PRKCE: variants seen among roughly 807,000 people sequenced by gnomAD.
PRKCE encodes the protein protein kinase C epsilon type.
A neutral mutation model predicts 85.4 loss-of-function variants in PRKCE; 16 were observed. The observed-to-expected ratio is 0.19, with a 90% CI of 0.13 to 0.28. The LOEUF (loss-of-function observed/expected upper bound fraction) is 0.28, where lower values mean the gene tolerates loss of function less well. Ranked by LOEUF, PRKCE falls within the 10% of genes least tolerant of loss-of-function variation. The pLI, the probability that PRKCE is intolerant of heterozygous loss-of-function variation, is 1.00. For missense variants in PRKCE, 573 were observed against 975.2 expected (o/e 0.59, Z 5.49); for synonymous variants, 388 against 371.5 (o/e 1.04, Z -0.51).
chr2:45,718,770 A>T (rs1680368663), intron 1 of PRKCE, among the ~76,000 whole-genome samples: 1 of 152,192 alleles, frequency 6.6e-6, no homozygotes, highest in Admixed American at 6.5e-5. Flanking sequence ...CAGAAAACCC[A>T]ACTCTATGCT....
intron 11 of PRKCE, among the ~76,000 whole-genome samples, chr2:46,141,057 TCTTCCA>T (rs1370712003): frequency 6.6e-6 from 1 of 152,212 alleles, no homozygotes; most frequent in East Asian, 1.9e-4. Context: ...TATAAATTGT[TCTTCCA>T]CCAAGAAGGG....
intron 5 of PRKCE, 112 bp downstream of exon 5, chr2:45,980,493 A>C: frequency 2.0e-6 from 2 of 992,246 alleles, no homozygotes; most frequent in Non-Finnish European, 3.0e-6. Flanking sequence ...CTGTCATTTC[A>C]TTGTGTTGAT....
At chr2:45,658,771 A>C (rs1675498727) in intron 1 of PRKCE, among the ~76,000 whole-genome samples, 1 of 152,212 alleles carries the variant, frequency 6.6e-6, no homozygotes, top group Admixed American at 6.5e-5. Context: ...GGTCCAGTGA[A>C]ATATATTTTT....
chr2:45,989,537 A>G (rs1323641907), intron 6 of PRKCE, among the ~76,000 whole-genome samples: 1 of 152,150 alleles, frequency 6.6e-6, no homozygotes, highest in Non-Finnish European at 1.5e-5. Flanking sequence ...GAGGACAGTA[A>G]TAAAAAATAA....
At chr2:46,148,360 G>A (rs1451495421) in intron 12 of PRKCE, among the ~76,000 whole-genome samples, 1 of 152,200 alleles carries the variant, frequency 6.6e-6, no homozygotes, top group Admixed American at 6.5e-5. Flanking sequence ...AGCCTAAAAG[G>A]AATCTTACAA....
In PRKCE at chr2:46,138,240, T is replaced by C. The variant is rs963189614; in HGVS notation, c.1593-6853T>C. Reference sequence around the variant, plus strand: ...AGTCTGTGATCCCTTGTGCTCCATGTTCTCCTCACCACAAAGATTTCTTTT... The same window carrying C: ...AGTCTGTGATCCCTTGTGCTCCATGCTCTCCTCACCACAAAGATTTCTTTT... On this transcript the variant is annotated intron_variant, in intron 11 of 14. Coordinates refer to ENST00000306156, the MANE Select transcript of PRKCE (RefSeq NM_005400.3). This position sits in a 1 kb window ranked among gnomAD's most constrained non-coding sequence, Gnocchi z 4.2. Among the ~76,000 whole-genome samples, 1 of 152,210 alleles carries C rather than the reference T, an allele frequency of 6.6e-6. No homozygotes were observed. The highest frequency in any genetic ancestry group is 2.4e-5 in the African/African-American group (1 of 41,464).
intron 14 of PRKCE, among the ~76,000 whole-genome samples, chr2:46,178,158 G>A (rs956188892): frequency 6.6e-6 from 1 of 152,248 alleles, no homozygotes; most frequent in Non-Finnish European, 1.5e-5. Context: ...TACTCAGGAG[G>A]CTGAGGCAGA....
chr2:46,015,975 G>T (rs554567145), intron 10 of PRKCE, among the ~76,000 whole-genome samples: 2 of 152,146 alleles, frequency 1.3e-5, no homozygotes, highest in Non-Finnish European at 2.9e-5. Context: ...CAATATGCTC[G>T]CCAGTAACAG....
chr2:46,153,737 G>C (rs1047977910), intron 13 of PRKCE, among the ~76,000 whole-genome samples: 3 of 149,934 alleles, frequency 2.0e-5, no homozygotes, highest in African/African-American at 7.4e-5. Context: ...CTTCTTCTTC[G>C]TCCTCCTCTT....
At chr2:45,945,095 A>G (rs1700156047) in intron 2 of PRKCE, among the ~76,000 whole-genome samples, 1 of 152,156 alleles carries the variant, frequency 6.6e-6, no homozygotes, top group Non-Finnish European at 1.5e-5. Flanking sequence ...ACACCAATGC[A>G]TTAAGAGTAA....
At chr2:45,690,487 T>C (rs1321076533) in intron 1 of PRKCE, among the ~76,000 whole-genome samples, 1 of 152,198 alleles carries the variant, frequency 6.6e-6, no homozygotes, top group African/African-American at 2.4e-5. Flanking sequence ...GCCTCTTGCA[T>C]TGTCAATTTT....
At chr2:45,753,002 C>T (rs992179146) in intron 1 of PRKCE, among the ~76,000 whole-genome samples, 1 of 152,186 alleles carries the variant, frequency 6.6e-6, no homozygotes, top group Admixed American at 6.5e-5. Context: ...GCGGCACACA[C>T]ATTTCATGGA....
At chr2:45,747,198 G>T (rs1017838284) in intron 1 of PRKCE, among the ~76,000 whole-genome samples, 2 of 152,096 alleles carry the variant, frequency 1.3e-5, no homozygotes, top group African/African-American at 4.8e-5. Flanking sequence ...TAAAAAAATT[G>T]TGGTAAAATA....
At chr2:46,011,033 C>G (rs1705627175) in intron 10 of PRKCE, 4 of 1,010,268 alleles carry the variant, frequency 4.0e-6, no homozygotes, top group African/African-American at 1.6e-5. Flanking sequence ...GTCTGGGAAC[C>G]AGAAGGTGGC....
intron 1 of PRKCE, among the ~76,000 whole-genome samples, chr2:45,659,685 CT>C (rs754535078): frequency 2.6e-5 from 4 of 152,154 alleles, no homozygotes; most frequent in Non-Finnish European, 5.9e-5. Context: ...AGTCTTTACC[CT>C]TGCCATCCCA....
At chr2:46,175,230 T>G (rs1679309936) in intron 14 of PRKCE, among the ~76,000 whole-genome samples, 2 of 152,160 alleles carry the variant, frequency 1.3e-5, no homozygotes, top group Non-Finnish European at 2.9e-5. Context: ...GGGTCACATA[T>G]TTGGCTATTT....
chr2:45,795,456 C>G (rs930343284), intron 1 of PRKCE, among the ~76,000 whole-genome samples: 1 of 151,960 alleles, frequency 6.6e-6, no homozygotes, highest in Admixed American at 6.6e-5. Context: ...TTACAGGTGC[C>G]CACCACCACG....
At chr2:46,016,065 G>T (rs1408640862) in intron 10 of PRKCE, among the ~76,000 whole-genome samples, 1 of 152,192 alleles carries the variant, frequency 6.6e-6, no homozygotes, top group Non-Finnish European at 1.5e-5. Flanking sequence ...CAGGCTTAGT[G>T]TTGGCAGAAT....
chr2:45,901,835 C>T (rs1430277139), intron 2 of PRKCE, among the ~76,000 whole-genome samples: 2 of 152,192 alleles, frequency 1.3e-5, no homozygotes, highest in African/African-American at 4.8e-5. Flanking sequence ...TGTGATGAAG[C>T]TCACACACGA....
Sources: allele counts gnomAD v4.1 joint callset (sites outside exome capture counted in the v4.1 genomes callset), GRCh38; gene constraint gnomAD v4.1.1; non-coding constraint Gnocchi (gnomAD v3.1); transcripts MANE v1.5; gene names NCBI Gene and HGNC (gene_info 2026-07-23, HGNC 2026-07-21).